The following ZNF582 variants were observed in gnomAD, a reference collection of about 807,000 sequenced individuals.
ZNF582 encodes zinc finger protein 582.
Under a neutral mutation model 12.3 loss-of-function variants are expected in ZNF582, and 14 were observed. That is an observed-to-expected ratio of 1.14 (90% CI 0.75 to 1.78). The LOEUF is 1.78. ZNF582 is among the 40% of genes most tolerant of loss of function. The pLI is 0.00. For missense variants in ZNF582, 567 were observed against 616.5 expected, an observed-to-expected ratio of 0.92 and a Z score of 0.85; for synonymous variants, 210 against 207.2, an observed-to-expected ratio of 1.01 and a Z score of -0.11.
At chr19:56,384,604 A>T (rs1462730872) in exon 5 of ZNF582, 2 of 1,614,002 alleles carry the variant, frequency 1.2e-6, no homozygotes, top group African/African-American at 2.7e-5. Context: ...GCTGATGTTC[A>T]ATCAACTGTG....
rs61743722 is a variant in ZNF582, at chr19:56,390,088, C to T, written c.145G>A (p.Val49Ile). 4.9e-3 allele frequency: 7,919 copies of T among 1,613,504 alleles called. 354 individuals are homozygous for T. The African/African-American group carries it at 0.094, about 19-fold the overall frequency. The stretch of plus-strand genomic sequence containing the variant: ...AAGGAGATCACATCAGGTTTGGAAA[C>T]GGCAAGACCTGGAGATGAGAAGAAA... The change falls in exon 4 of 5, where the codon GTT (valine) becomes ATT (isoleucine). Residue 49 changes from valine to isoleucine, a missense_variant. Physicochemically the swap from Val to Ile is conservative, Grantham distance 29. Transcript: ENST00000586929.
At position 56,390,102 on chromosome 19, in the gene ZNF582, G is replaced by A. The variant is rs2042002616; in HGVS notation, c.137-6C>T. Reference sequence around the variant, plus strand: ...AGGTTTGGAAACGGCAAGACCTGGAGATGAGAAGAAACATGCCACCTGGTT... The same window carrying A: ...AGGTTTGGAAACGGCAAGACCTGGAAATGAGAAGAAACATGCCACCTGGTT... On this transcript the variant is annotated splice_region_variant and splice_polypyrimidine_tract_variant and intron_variant, in intron 3 of 4. Transcript: ENST00000586929. 6.2e-7 allele frequency: 1 copy of A among 1,613,304 alleles called. No individual in the cohort carries two copies. Among genetic ancestry groups the A allele is most frequent in the African/African-American group, 1.3e-5 (1 of 74,766 alleles).
intron 4 of ZNF582, among the ~76,000 whole-genome samples, chr19:56,388,677 A>AG (rs1313130737): frequency 6.6e-6 from 1 of 151,810 alleles, no homozygotes; most frequent in Non-Finnish European, 1.5e-5. Flanking sequence ...CTGTTGCCCC[A>AG]GCTGGAGCGC....
At chr19:56,391,691 G>C (rs2042015003) in intron 2 of ZNF582, 53 bp downstream of exon 2, 13 of 1,552,130 alleles carry the variant, frequency 8.4e-6, no homozygotes, top group Non-Finnish European at 1.2e-5. Flanking sequence ...TGGAACCCAG[G>C]TGGAAAGTTT....
intron 4 of ZNF582, among the ~76,000 whole-genome samples, chr19:56,389,427 G>A (rs973594414): frequency 8.5e-5 from 13 of 152,218 alleles, no homozygotes; most frequent in South Asian, 2.1e-4. Context: ...ACACAGGAAC[G>A]GAAAACCAAA....
chr19:56,389,859 C>T (rs934103579), intron 4 of ZNF582, 142 bp downstream of exon 4: 1 of 614,862 alleles, frequency 1.6e-6, no homozygotes, highest in East Asian at 2.8e-5. Flanking sequence ...TCAAATGCTG[C>T]TGACGAGCTG....
intron 2 of ZNF582, 90 bp from the exon 3 acceptor site, chr19:56,390,591 G>C: frequency 2.8e-6 from 4 of 1,437,552 alleles, no homozygotes; most frequent in Non-Finnish European, 3.8e-6. Context: ...GGGAGGGGGG[G>C]TTGTTTTGTT....
Position 56,390,361 on chromosome 19 carries a change from C to T in ZNF582, c.136+14G>A, listed in dbSNP as rs776207005. ...CAAGGATAACCTCCAAACTAACAGA[C>T]GAGATCACCTTACCCAGTGAGACCA... is the stretch of plus-strand genomic sequence containing the variant. On this transcript the variant is annotated intron_variant, in intron 3 of 4. Transcript: ENST00000586929. 21 of 1,613,966 alleles carry T rather than the reference C, an allele frequency of 1.3e-5. No individual in the cohort carries two copies. The highest frequency in any genetic ancestry group is 1.0e-4 in the Admixed American group (6 of 60,002).
At chr19:56,392,448 G>A (rs924823740) in intron 1 of ZNF582, among the ~76,000 whole-genome samples, 1 of 152,198 alleles carries the variant, frequency 6.6e-6, no homozygotes, top group Admixed American at 6.5e-5. Context: ...GCACATAAAT[G>A]TGTCCTTCCA....
intron 2 of ZNF582, 82 bp from the exon 3 acceptor site, chr19:56,390,583 G>A (rs2042007145): frequency 3.3e-6 from 5 of 1,524,184 alleles, no homozygotes; most frequent in Middle Eastern, 1.7e-4. Flanking sequence ...GTCTTTGCGG[G>A]AGGGGGGGTT....
At chr19:56,388,149 G>A (rs961799704) in intron 4 of ZNF582, 3 of 150,290 alleles carry the variant, frequency 2.0e-5, no homozygotes, top group East Asian at 2.0e-4. Flanking sequence ...AAAGGGGGGG[G>A]GGATTATGTC....
exon 1 of ZNF582, chr19:56,393,294 C>T: frequency 8.1e-7 from 1 of 1,236,274 alleles, no homozygotes; most frequent in Non-Finnish European, 1.0e-6. Context: ...CCGCGAGGGC[C>T]GGCGGGAAAT....
intron 4 of ZNF582, among the ~76,000 whole-genome samples, 182 bp downstream of exon 4, chr19:56,389,819 T>C (rs1410569467): frequency 1.3e-5 from 2 of 152,116 alleles, no homozygotes; most frequent in Non-Finnish European, 2.9e-5. Context: ...ATTTTTAAAG[T>C]GTTTCAGGAG....
At chr19:56,391,911 G>T in intron 1 of ZNF582, 79 bp from the exon 2 acceptor site, 1 of 1,237,794 alleles carries the variant, frequency 8.1e-7, no homozygotes, top group Non-Finnish European at 1.1e-6. Context: ...GTCCCCACCT[G>T]CTTGCCCTCT....
chr19:56,393,263 G>C, exon 1 of ZNF582: 3 of 1,244,960 alleles, frequency 2.4e-6, no homozygotes, highest in Non-Finnish European at 3.1e-6. Flanking sequence ...GAAGCAGAAA[G>C]GGGGCGCCAG....
At chr19:56,384,170 A>C in exon 5 of ZNF582, 1 of 1,612,240 alleles carries the variant, frequency 6.2e-7, no homozygotes, top group Non-Finnish European at 8.5e-7. Context: ...ACCTGTATGA[A>C]TTCTGTAATG....
chr19:56,393,118 G>A, intron 1 of ZNF582, 102 bp downstream of exon 1: 1 of 1,033,554 alleles, frequency 9.7e-7, no homozygotes, highest in Non-Finnish European at 1.3e-6. Flanking sequence ...AGAACCTCAT[G>A]AAACAAGATT....
chr19:56,389,668 T>TA (rs898699353), intron 4 of ZNF582, among the ~76,000 whole-genome samples: 7 of 151,774 alleles, frequency 4.6e-5, no homozygotes, highest in South Asian at 4.2e-4. Context: ...CTCCTGAAGT[T>TA]AAAAAAAATT....
intron 4 of ZNF582, chr19:56,388,508 A>C (rs187520893): frequency 1.3e-4 from 20 of 152,372 alleles, no homozygotes; most frequent in Admixed American, 1.2e-3. Flanking sequence ...ATTTGTGAGA[A>C]GCACAATATT....
Sources: allele counts gnomAD v4.1 joint callset (sites outside exome capture counted in the v4.1 genomes callset), GRCh38; gene constraint gnomAD v4.1.1; transcripts MANE v1.5; gene names NCBI Gene and HGNC (gene_info 2026-07-23, HGNC 2026-07-21).